The following SOX5 variants were observed in gnomAD, a reference collection of about 807,000 sequenced individuals.
SOX5 encodes the protein SRY-box transcription factor 5, also known as transcription factor SOX-5.
A neutral mutation model predicts 92.0 loss-of-function variants in SOX5; 9 were observed. The observed-to-expected ratio is 0.10, with a 90% CI of 0.06 to 0.17. The LOEUF is 0.17. Among genes scored for constraint, SOX5 ranks in the 10% least tolerant of loss-of-function variants. The pLI is 1.00. For missense variants in SOX5, 642 were observed against 944.5 expected (o/e 0.68, Z 4.20); for synonymous variants, 344 against 336.3 (o/e 1.02, Z -0.25).
At chr12:24,164,977 T>C (rs2139040943) in intron 4 of SOX5, among the ~76,000 whole-genome samples, 1 of 152,196 alleles carries the variant, frequency 6.6e-6, no homozygotes, top group South Asian at 2.1e-4. Context: ...CAATATAAAG[T>C]ATGTTTAAAG....
intron 1 of SOX5, among the ~76,000 whole-genome samples, chr12:24,556,955 G>C (rs556109734): frequency 6.6e-6 from 1 of 152,106 alleles, no homozygotes; most frequent in Non-Finnish European, 1.5e-5. Flanking sequence ...ACCTAGACTC[G>C]ACTGGGAGAG....
chr12:24,218,268 G>C (rs755575311), intron 3 of SOX5, among the ~76,000 whole-genome samples: 7 of 151,900 alleles, frequency 4.6e-5, no homozygotes, highest in Admixed American at 2.6e-4. Context: ...ACAAAATTTG[G>C]TACATCCATT....
chr12:24,501,067 TAA>T (rs1264711816), intron 1 of SOX5, among the ~76,000 whole-genome samples: 2 of 152,174 alleles, frequency 1.3e-5, no homozygotes, highest in Non-Finnish European at 2.9e-5. Flanking sequence ...ATCTGATTGA[TAA>T]AGTTTCATTA....
intron 8 of SOX5, among the ~76,000 whole-genome samples, chr12:23,618,996 C>T (rs1194479790): frequency 2.0e-5 from 3 of 152,122 alleles, no homozygotes; most frequent in African/African-American, 4.8e-5. Flanking sequence ...GAACTCAACG[C>T]TCCCTGAAGA....
At chr12:24,221,400 G>A (rs1467829569) in intron 3 of SOX5, among the ~76,000 whole-genome samples, 4 of 152,068 alleles carry the variant, frequency 2.6e-5, no homozygotes, top group African/African-American at 7.2e-5. Flanking sequence ...AACAGAGCCC[G>A]ACTTCAAATA....
At chr12:24,439,826 C>T (rs570073343) in intron 1 of SOX5, among the ~76,000 whole-genome samples, 2 of 152,074 alleles carry the variant, frequency 1.3e-5, no homozygotes, top group South Asian at 4.2e-4. Flanking sequence ...ACCCAGGAGG[C>T]GGAGCTTGCA....
chr12:23,845,396 T>C (rs577197718), intron 3 of SOX5, among the ~76,000 whole-genome samples: 19 of 152,312 alleles, frequency 1.2e-4, no homozygotes, highest in African/African-American at 4.6e-4. Flanking sequence ...ATTAGTCCAT[T>C]TGCCTATCAC....
chr12:23,861,009 CTATAGAA>C (rs1157578940), intron 2 of SOX5, among the ~76,000 whole-genome samples: 1 of 132,420 alleles, frequency 7.6e-6, no homozygotes, highest in African/African-American at 2.9e-5. Context: ...TAATGAGCAC[CTATAGAA>C]TATGTCAAAC....
chr12:24,340,327 A>C (rs533356746), intron 2 of SOX5, among the ~76,000 whole-genome samples: 1 of 152,372 alleles, frequency 6.6e-6, no homozygotes, highest in Admixed American at 6.5e-5. Context: ...AGGCTGAATC[A>C]AGTTAAGTTA....
intron 7 of SOX5, among the ~76,000 whole-genome samples, chr12:23,660,397 A>G (rs1442329551): frequency 3.3e-5 from 5 of 151,838 alleles, no homozygotes; most frequent in Admixed American, 2.6e-4. Flanking sequence ...CTGAAGCTTA[A>G]TAACTTACAT....
At chr12:23,961,565 C>T (rs1946935056) in intron 4 of SOX5, among the ~76,000 whole-genome samples, 1 of 152,108 alleles carries the variant, frequency 6.6e-6, no homozygotes, top group Non-Finnish European at 1.5e-5. Flanking sequence ...AACGTCTACT[C>T]ATCCTTAAAG....
intron 2 of SOX5, among the ~76,000 whole-genome samples, chr12:23,851,981 G>A (rs1468199490): frequency 6.6e-6 from 1 of 152,152 alleles, no homozygotes; most frequent in Admixed American, 6.6e-5. Context: ...AGGTTGGTAT[G>A]TAGTGGCCTA....
chr12:23,650,683 A>T (rs1310133426), intron 7 of SOX5, among the ~76,000 whole-genome samples: 1 of 152,146 alleles, frequency 6.6e-6, no homozygotes, highest in Non-Finnish European at 1.5e-5. Context: ...ACATCCAGGG[A>T]TAGTTTCATT....
chr12:24,338,466 T>C (rs1052115130), intron 2 of SOX5, among the ~76,000 whole-genome samples: 3 of 152,206 alleles, frequency 2.0e-5, no homozygotes, highest in Non-Finnish European at 4.4e-5. Flanking sequence ...GAAATGAATA[T>C]ATTATACTTT....
At chr12:23,706,780 T>G (rs559574684) in intron 6 of SOX5, among the ~76,000 whole-genome samples, 3 of 152,008 alleles carry the variant, frequency 2.0e-5, no homozygotes, top group Non-Finnish European at 4.4e-5. Context: ...TGACATAAAG[T>G]GTTATAGTGG....
intron 1 of SOX5, among the ~76,000 whole-genome samples, chr12:24,389,432 C>A (rs1958765644): frequency 6.6e-6 from 1 of 152,076 alleles, no homozygotes; most frequent in African/African-American, 2.4e-5. Flanking sequence ...TTTTCATCAA[C>A]TTTTAAGTTC....
chr12:23,575,642 C>T lies in SOX5; in HGVS notation c.1342+19G>A, dbSNP rs1948996545. The T allele has an allele frequency of 1.9e-6, 3 of 1,612,628 alleles. No homozygotes were observed. In the South Asian group the frequency reaches 3.3e-5, roughly 18 times the overall value. On this transcript the variant is annotated intron_variant, in intron 10 of 14. Coordinates refer to ENST00000451604, the MANE Select transcript of SOX5 (RefSeq NM_006940.6). ...GCCATAAACAGAAAATCAGCAAGAA[C>T]AAAAGAAACAGAACTTACCTATTGT...
intron 9 of SOX5, 99 bp from the exon 10 acceptor site, chr12:23,575,937 C>T: frequency 2.4e-6 from 2 of 843,274 alleles, no homozygotes; most frequent in Non-Finnish European, 3.7e-6. Context: ...CATCAAATTA[C>T]TCTACCAATC....
intron 2 of SOX5, among the ~76,000 whole-genome samples, chr12:24,302,541 G>A (rs1286016450): frequency 6.6e-6 from 1 of 151,714 alleles, no homozygotes. Flanking sequence ...AAAGAGGGAT[G>A]GATCTATGAG....
Sources: allele counts gnomAD v4.1 joint callset (sites outside exome capture counted in the v4.1 genomes callset), GRCh38; gene constraint gnomAD v4.1.1; transcripts MANE v1.5; gene names NCBI Gene and HGNC (gene_info 2026-07-23, HGNC 2026-07-21).